Variants in PON2 observed in about 807,000 individuals in gnomAD.
PON2 encodes paraoxonase 2.
In PON2, 27 loss-of-function variants were observed where a neutral mutation model predicts 36.6. That is an observed-to-expected ratio of 0.74 (90% confidence interval 0.54 to 1.02). The LOEUF is 1.02. Ranked by LOEUF, PON2 falls within the 50% of genes least tolerant of loss-of-function variation. The probability of loss-of-function intolerance (pLI) is 0.00; values close to 1 mark genes in which losing one functional copy is unlikely to be tolerated. For missense variants in PON2, 363 were observed against 421.1 expected, an observed-to-expected ratio of 0.86 and a Z score of 1.21; for synonymous variants, 149 against 156.3, an observed-to-expected ratio of 0.95 and a Z score of 0.35.
At chr7:95,408,278 A>G (rs1316629746) in intron 6 of PON2, among the ~76,000 whole-genome samples, 2 of 152,190 alleles carry the variant, frequency 1.3e-5, no homozygotes, top group African/African-American at 4.8e-5. Flanking sequence ...AAGAGTGAAA[A>G]AAATCCAAGT....
In PON2 at chr7:95,406,991, A is replaced by C; in HGVS notation, c.773T>G (p.Leu258Trp). Residue 258 changes from leucine (L) to tryptophan (W), a missense_variant, in exon 7 of 9, where the codon TTG becomes TGG. Transcript: ENST00000222572. ...EKHTNMNLTQ[L>W]KVLELDTLVD... ...ATGTAAAAATAAATATTTTACCTTC[A>C]ACTGAGTTAAATTCATATTAGTGTG... 6.5e-7 allele frequency: 1 copy of C among 1,527,698 alleles called. No individual in the cohort carries two copies. Among genetic ancestry groups the C allele is most frequent in the South Asian group, 1.1e-5 (1 of 88,368 alleles). The allele number at this position is 1,527,698 out of a possible 1,614,324, so 94.6% of individuals were successfully genotyped here.
chr7:95,417,365 A>T (rs1192244171), intron 2 of PON2, among the ~76,000 whole-genome samples: 1 of 152,166 alleles, frequency 6.6e-6, no homozygotes, highest in Non-Finnish European at 1.5e-5. Context: ...CAGAAAGAAG[A>T]TACACAGAAA....
At chr7:95,429,189 C>T (rs961671328) in intron 1 of PON2, among the ~76,000 whole-genome samples, 11 of 150,766 alleles carry the variant, frequency 7.3e-5, no homozygotes. Flanking sequence ...CCCCCTCCCC[C>T]TACCCCACAA....
At chr7:95,411,503 A>T in intron 5 of PON2, 150 bp downstream of exon 5, 1 of 1,016,942 alleles carries the variant, frequency 9.8e-7, no homozygotes, top group Non-Finnish European at 1.4e-6. Flanking sequence ...ATACACACAC[A>T]TTTATAAATA....
intron 2 of PON2, among the ~76,000 whole-genome samples, chr7:95,416,849 A>G (rs1042251952): frequency 6.6e-6 from 1 of 152,202 alleles, no homozygotes; most frequent in Non-Finnish European, 1.5e-5. Flanking sequence ...TAAATTAGAG[A>G]AAAAAACTAG....
rs1465803249 is a variant in PON2 at position 95,435,019 on chromosome 7, C to T, written c.-68G>A. The T allele has an allele frequency of 6.9e-7, 1 of 1,441,132 alleles. No homozygotes were observed. The highest frequency in any genetic ancestry group is 9.2e-7 in the Non-Finnish European group (1 of 1,092,102). 89.3% of individuals were successfully genotyped at this position (1,441,132 alleles called of 1,614,324 possible). A position where few individuals can be genotyped will look rare whatever the true frequency, so the allele number is the denominator to read the frequency against. ...CAGCTCCGTGGGCGGTGCCATCTTCCCGGCTCGATGGTGCCGGCCGCGCTC... is the reference window on the plus strand; with the variant it reads ...CAGCTCCGTGGGCGGTGCCATCTTCTCGGCTCGATGGTGCCGGCCGCGCTC... On this transcript the variant is annotated 5_prime_UTR_variant, in exon 1 of 9. Transcript: ENST00000222572.
chr7:95,417,973 A>G (rs1297590792), intron 2 of PON2, among the ~76,000 whole-genome samples: 1 of 152,186 alleles, frequency 6.6e-6, no homozygotes, highest in African/African-American at 2.4e-5. Context: ...AATTAAGGAA[A>G]GAGAAATCTT....
intron 6 of PON2, among the ~76,000 whole-genome samples, chr7:95,409,299 G>A (rs1809797804): frequency 6.6e-6 from 1 of 151,298 alleles, no homozygotes. Flanking sequence ...GCGACGGAGT[G>A]AGACTCCATC....
intron 1 of PON2, among the ~76,000 whole-genome samples, chr7:95,431,074 CATGGCTG>C (rs1789431241): frequency 6.6e-6 from 1 of 152,116 alleles, no homozygotes; most frequent in Non-Finnish European, 1.5e-5. Context: ...ATGATTCATC[CATGGCTG>C]TGTACCTTGA....
At chr7:95,418,285 C>T (rs1789118513) in intron 2 of PON2, 1 of 152,198 alleles carries the variant, frequency 6.6e-6, no homozygotes, top group South Asian at 2.1e-4. Flanking sequence ...ACCCTGCATA[C>T]AATATCTCAT....
intron 3 of PON2, among the ~76,000 whole-genome samples, chr7:95,413,964 G>A (rs1033615240): frequency 6.6e-6 from 1 of 152,134 alleles, no homozygotes; most frequent in African/African-American, 2.4e-5. Context: ...ACATGCAAAG[G>A]AAGCACTATC....
chr7:95,434,735 G>C (rs750833128), intron 1 of PON2, 143 bp downstream of exon 1: 170 of 829,908 alleles, frequency 2.0e-4, no homozygotes, highest in Non-Finnish European at 3.0e-4. Context: ...GCTGGGGGAG[G>C]GACAGCATTC....
intron 4 of PON2, among the ~76,000 whole-genome samples, chr7:95,411,999 G>A (rs1270134857): frequency 6.6e-6 from 1 of 152,112 alleles, no homozygotes; most frequent in African/African-American, 2.4e-5. Context: ...TCCATATACA[G>A]AATTCATGCA....
Position 95,410,074 on chromosome 7 carries a change from C to T in PON2, c.522G>A (p.Pro174=), listed in dbSNP as rs376316333. 60 of 1,613,354 alleles carry T rather than the reference C, an allele frequency of 3.7e-5. No individual in the cohort carries two copies. Among genetic ancestry groups the T allele is most frequent in the Non-Finnish European group, 4.7e-5 (55 of 1,179,708 alleles). Residue 174 remains proline (P), a synonymous_variant, in exon 6 of 9, where the codon CCG becomes CCA. Transcript: ENST00000222572. ...PSVNDITAVG[P]AHFYATNDHY... ...GGTCATTTGTGGCATAGAAATGTGC[C>T]GGTCCAACAGCTGTGATGTCATTCA...
At chr7:95,417,451 T>C (rs1789087644) in intron 2 of PON2, among the ~76,000 whole-genome samples, 1 of 152,184 alleles carries the variant, frequency 6.6e-6, no homozygotes, top group Non-Finnish European at 1.5e-5. Context: ...AAAGTATCTG[T>C]GAACCCTCGG....
In PON2 at chr7:95,428,991, T is replaced by C. The variant is rs141276362; in HGVS notation, c.75-4406A>G. On this transcript the variant is annotated intron_variant, in intron 1 of 8. Coordinates refer to ENST00000222572, the MANE Select transcript of PON2 (RefSeq NM_000305.3). Reference sequence around the variant, plus strand: ...TTAGTCCAAGGTTTCAGGTAAATAGTAGAGCTATGAATGAACTCAGGCTAC... The same window carrying C: ...TTAGTCCAAGGTTTCAGGTAAATAGCAGAGCTATGAATGAACTCAGGCTAC... Among the ~76,000 whole-genome samples the C allele has an allele frequency of 3.7e-3, 561 of 152,102 alleles. 5 individuals are homozygous for C. Among genetic ancestry groups the C allele is most frequent in the African/African-American group, 0.013 (531 of 41,504 alleles).
At chr7:95,408,207 G>A (rs1203200435) in intron 6 of PON2, among the ~76,000 whole-genome samples, 1 of 152,246 alleles carries the variant, frequency 6.6e-6, no homozygotes, top group African/African-American at 2.4e-5. Context: ...AGGTGAGGAA[G>A]ACAGAGTTCC....
In PON2 at chr7:95,416,254, A is replaced by AT. The variant is rs1257830378; in HGVS notation, c.188_189insA (p.Ser66Ter). 8 of 1,613,070 alleles carry AT rather than the reference A, an allele frequency of 5.0e-6. No individual in the cohort carries two copies. The highest frequency in any genetic ancestry group is 2.7e-5 in the African/African-American group (2 of 74,926). ...AGAAGACACTCACCACACTAAAAAAAGCCAGACCATTGGGAAGTATGTCAA... is the reference window on the plus strand; with the variant it reads ...AGAAGACACTCACCACACTAAAAAAATGCCAGACCATTGGGAAGTATGTCAA... On this transcript the variant is annotated frameshift_variant, in exon 3 of 9. Transcript: ENST00000222572. LOFTEE classifies it high-confidence loss of function.
chr7:95,415,457 T>C lies in PON2; in HGVS notation c.201+785A>G, dbSNP rs17876128. On this transcript the variant is annotated intron_variant, in intron 3 of 8. Transcript: ENST00000222572. The stretch of plus-strand genomic sequence containing the variant: ...AAACTCAATGACTTTCCACTTATGA[T>C]TGGCTATTCAGGGGAAAAAAGAAAG... 3.2e-3 allele frequency among the ~76,000 whole-genome samples: 481 copies of C among 152,208 alleles called. 1 individual carries two copies. The highest frequency in any genetic ancestry group is 0.011 in the African/African-American group (451 of 41,516).
Sources: allele counts gnomAD v4.1 joint callset (sites outside exome capture counted in the v4.1 genomes callset), GRCh38; gene constraint gnomAD v4.1.1; transcripts MANE v1.5; gene names NCBI Gene and HGNC (gene_info 2026-07-23, HGNC 2026-07-21).